VGLL1: variants seen among roughly 807,000 people sequenced by gnomAD.
The protein encoded by VGLL1 is vestigial like family member 1.
A neutral mutation model predicts 12.0 loss-of-function variants in VGLL1; 4 were observed. That is an observed-to-expected ratio of 0.33 (90% confidence interval 0.16 to 0.76). The LOEUF is 0.76. VGLL1 is among the 30% of genes least tolerant of loss of function. The pLI, the probability that VGLL1 is intolerant of heterozygous loss-of-function variation, is 0.60. For missense variants in VGLL1, 204 were observed against 208.7 expected (o/e 0.98, Z 0.14); for synonymous variants, 87 against 81.2 (o/e 1.07, Z -0.39).
intron 2 of VGLL1, among the ~76,000 whole-genome samples, chrX:136,541,274 A>G (rs1402988612): frequency 8.9e-6 from 1 of 112,339 alleles, no homozygotes. Flanking sequence ...CACAGGCCAG[A>G]TAGAGAGGTG....
intron 2 of VGLL1, among the ~76,000 whole-genome samples, chrX:136,544,731 A>G (rs1465058507): frequency 8.9e-6 from 1 of 112,291 alleles, no homozygotes; most frequent in Non-Finnish European, 1.9e-5. Flanking sequence ...CTGATGTGTT[A>G]TTCCCTGGGA....
At position 136,549,002 on chromosome X, in the gene VGLL1, G is replaced by A. The variant is rs1212335306; in HGVS notation, c.628G>A (p.Val210Ile). ...GLLFNLPPGS[V>I]HYKKLYVSRG... ...GCTCTTCAACCTGCCTCCCGGCTCA[G>A]TTCACTGTAAGGAAATGCCTACAGA... Residue 210 changes from valine to isoleucine, a missense_variant, in exon 3 of 5, where the codon GTT becomes ATT. Coordinates refer to ENST00000370634, the MANE Select transcript of VGLL1 (RefSeq NM_016267.4). The A allele has an allele frequency of 8.3e-7, 1 of 1,205,727 alleles. No individual in the cohort carries two copies. Among genetic ancestry groups the A allele is most frequent in the Non-Finnish European group, 1.1e-6 (1 of 892,118 alleles).
intron 2 of VGLL1, among the ~76,000 whole-genome samples, chrX:136,539,470 C>T (rs935655157): frequency 1.8e-5 from 2 of 111,698 alleles, no homozygotes; most frequent in Admixed American, 1.9e-4. Flanking sequence ...TCTGATTTGA[C>T]CTATCATAAC....
chrX:136,556,352 T>G (rs1345550659), intron 4 of VGLL1, 99 bp from the exon 5 acceptor site: 2 of 600,229 alleles, frequency 3.3e-6, no homozygotes, highest in African/African-American at 4.5e-5. Flanking sequence ...GACTCTGGTA[T>G]CTGACATCCC....
chrX:136,538,879 T>G (rs767929583), intron 2 of VGLL1, among the ~76,000 whole-genome samples: 134 of 97,288 alleles, frequency 1.4e-3, no homozygotes, highest in African/African-American at 4.9e-3. Context: ...CTAAAGGAAA[T>G]GATGTAGAGC....
chrX:136,552,919 G>C (rs1277877736), intron 4 of VGLL1, among the ~76,000 whole-genome samples: 2 of 111,834 alleles, frequency 1.8e-5, no homozygotes, highest in Non-Finnish European at 3.8e-5. Context: ...AATAAAGGAA[G>C]GGGGATGCAG....
chrX:136,537,940 G>T (rs377119806), intron 2 of VGLL1, among the ~76,000 whole-genome samples: 1 of 110,914 alleles, frequency 9.0e-6, no homozygotes, highest in Non-Finnish European at 1.9e-5. Flanking sequence ...AAAAGAAAAC[G>T]CATGTCCCAT....
chrX:136,544,669 G>A (rs184334042), intron 2 of VGLL1, among the ~76,000 whole-genome samples: 1 of 112,477 alleles, frequency 8.9e-6, no homozygotes, highest in Admixed American at 9.4e-5. Flanking sequence ...CCCATAGTGA[G>A]TACTCAATAA....
intron 2 of VGLL1, among the ~76,000 whole-genome samples, chrX:136,543,108 A>G (rs1221307993): frequency 9.0e-6 from 1 of 111,601 alleles, no homozygotes; most frequent in African/African-American, 3.3e-5. Context: ...GCCACTCAGC[A>G]TTTCGAATAC....
chrX:136,535,566 C>T (rs1053212710), intron 1 of VGLL1, among the ~76,000 whole-genome samples: 24 of 110,995 alleles, frequency 2.2e-4, no homozygotes, highest in African/African-American at 7.9e-4. Context: ...TGTCAAGCAC[C>T]GACTGGATTG....
intron 2 of VGLL1, among the ~76,000 whole-genome samples, chrX:136,543,219 G>A (rs751101465): frequency 8.9e-6 from 1 of 111,982 alleles, no homozygotes; most frequent in South Asian, 3.7e-4. Context: ...GTGAAAGAGG[G>A]GAAGGAACTG....
At chrX:136,556,400 C>A in intron 4 of VGLL1, 51 bp from the exon 5 acceptor site, 1 of 1,081,612 alleles carries the variant, frequency 9.2e-7, no homozygotes, top group Non-Finnish European at 1.3e-6. Flanking sequence ...GACTTACAGC[C>A]TTCCATAGGG....
chrX:136,535,505 C>T (rs2075837267), intron 1 of VGLL1, among the ~76,000 whole-genome samples: 1 of 111,148 alleles, frequency 9.0e-6, no homozygotes, highest in Admixed American at 9.5e-5. Context: ...GATGTGTTTA[C>T]TCCTCTGCGT....
At chrX:136,535,952 C>T in intron 1 of VGLL1, 44 bp from the exon 2 acceptor site, 1 of 1,089,854 alleles carries the variant, frequency 9.2e-7, no homozygotes, top group Admixed American at 2.3e-5. Flanking sequence ...ACAGCCAAGC[C>T]ACTTGGTAAA....
At chrX:136,549,160 A>G (rs1181565790) in intron 3 of VGLL1, 152 bp downstream of exon 3, 4 of 562,275 alleles carry the variant, frequency 7.1e-6, no homozygotes, top group Admixed American at 7.9e-5. Context: ...TGTTCCATAC[A>G]TCTTCACTAG....
At chrX:136,551,038 A>C (rs1182560294) in intron 4 of VGLL1, 2 of 336,739 alleles carry the variant, frequency 5.9e-6, no homozygotes, top group Non-Finnish European at 1.0e-5. Flanking sequence ...TATCTTGTAA[A>C]ATTTTATTTT....
At chrX:136,544,295 A>C (rs187625492) in intron 2 of VGLL1, among the ~76,000 whole-genome samples, 37 of 112,630 alleles carry the variant, frequency 3.3e-4, no homozygotes, top group African/African-American at 1.2e-3. Flanking sequence ...GTACATTTTT[A>C]CATGCATCAT....
intron 2 of VGLL1, 113 bp from the exon 3 acceptor site, chrX:136,548,476 C>T (rs1211201843): frequency 2.6e-6 from 2 of 775,568 alleles, no homozygotes; most frequent in Non-Finnish European, 3.7e-6. Context: ...TTTATTTTAG[C>T]TTTTCTGTAT....
intron 1 of VGLL1, among the ~76,000 whole-genome samples, chrX:136,532,650 T>TTTC (rs2075828185): frequency 1.5e-5 from 1 of 66,162 alleles, no homozygotes; most frequent in African/African-American, 5.5e-5. Flanking sequence ...TCTTTCTTTC[T>TTTC]TTCTTTCTTT....
Sources: gnomAD v4.1 joint callset for allele counts (sites outside exome capture counted in the v4.1 genomes callset) on GRCh38, gnomAD v4.1.1 for gene constraint, MANE v1.5 for transcripts, NCBI Gene and HGNC (gene_info 2026-07-23, HGNC 2026-07-21) for gene names.